Variants in NAV2 observed in about 807,000 individuals in gnomAD.
The protein encoded by NAV2 is helicase, APC down-regulated 1.
In NAV2, 54 loss-of-function variants were observed where a neutral mutation model predicts 223.2. The observed-to-expected ratio is 0.24, with a 90% CI of 0.19 to 0.30. The LOEUF (loss-of-function observed/expected upper bound fraction) is 0.30. NAV2 is among the 10% of genes least tolerant of loss of function. The probability of loss-of-function intolerance (pLI) is 1.00; values close to 1 mark genes in which losing one functional copy is unlikely to be tolerated. For synonymous variants in NAV2, 1,279 were observed against 1,239.3 expected (o/e 1.03, Z -0.67); for missense variants, 2,806 against 3,147.5 (o/e 0.89, Z 2.60).
intron 1 of NAV2, among the ~76,000 whole-genome samples, chr11:19,810,494 T>G (rs1375885443): frequency 6.6e-6 from 1 of 152,246 alleles, no homozygotes; most frequent in Non-Finnish European, 1.5e-5. Flanking sequence ...AACAAGGATA[T>G]GTACACGTAT....
At chr11:19,927,904 C>T (rs1284520871) in intron 6 of NAV2, among the ~76,000 whole-genome samples, 2 of 152,272 alleles carry the variant, frequency 1.3e-5, no homozygotes, top group African/African-American at 2.4e-5. Context: ...AAAATTGTCA[C>T]AGCTACTATT....
At chr11:19,596,323 A>G (rs2046206165) in intron 1 of NAV2, among the ~76,000 whole-genome samples, 2 of 152,178 alleles carry the variant, frequency 1.3e-5, no homozygotes, top group South Asian at 2.1e-4. Context: ...GACTTGCCCT[A>G]GTGGAATCTG....
chr11:20,106,175 A>ATGTGTGTGTGTGTG (rs1201940130), intron 35 of NAV2, among the ~76,000 whole-genome samples: 23 of 35,828 alleles, frequency 6.4e-4, no homozygotes, highest in South Asian at 4.9e-3. Flanking sequence ...ATATATATAT[A>ATGTGTGTGTGTGTG]TGTGTGTGTA....
At chr11:19,955,271 A>G (rs963598425) in intron 10 of NAV2, among the ~76,000 whole-genome samples, 8 of 152,068 alleles carry the variant, frequency 5.3e-5, no homozygotes, top group African/African-American at 1.9e-4. Context: ...TCATGGTGGC[A>G]TGTTCCTGTG....
intron 1 of NAV2, chr11:19,504,340 C>A (rs1258695744): frequency 6.6e-6 from 1 of 152,228 alleles, no homozygotes; most frequent in African/African-American, 2.4e-5. Flanking sequence ...ATGATGGTGA[C>A]ATTAAGATCT....
chr11:19,759,520 C>A (rs1476970641), intron 1 of NAV2, among the ~76,000 whole-genome samples: 2 of 152,112 alleles, frequency 1.3e-5, no homozygotes, highest in African/African-American at 4.8e-5. Flanking sequence ...AAAACAAAAA[C>A]CAAACAAATG....
intron 1 of NAV2, among the ~76,000 whole-genome samples, chr11:19,695,462 C>T (rs2049302632): frequency 6.6e-6 from 1 of 151,884 alleles, no homozygotes; most frequent in Non-Finnish European, 1.5e-5. Flanking sequence ...TGTCACATGA[C>T]CTATCCTGAC....
chr11:19,948,843 G>T lies in NAV2; in HGVS notation c.2408G>T (p.Gly803Val). The T allele has an allele frequency of 1.2e-6, 2 of 1,614,030 alleles. No individual in the cohort carries two copies. Residue 803 changes from glycine to valine, a missense_variant, in exon 10 of 38, where the codon GGG becomes GTG. Coordinates refer to ENST00000349880, the MANE Select transcript of NAV2 (RefSeq NM_145117.5). Reference protein sequence around the residue: ...QAGDAPSMGNGYPPRANASRF... With the variant: ...QAGDAPSMGNVYPPRANASRF... ...GGAGACGCCCCCTCAATGGGCAATG[G>T]GTATCCCCCTCGAGCCAACGCCAGC...
chr11:19,505,610 A>C (rs1446112702), intron 1 of NAV2: 4 of 152,228 alleles, frequency 2.6e-5, no homozygotes, highest in Non-Finnish European at 5.9e-5. Context: ...ACTGGCCAGC[A>C]AGCTGGAATG....
rs1268394235 is a variant in NAV2 at position 20,120,979 on chromosome 11, CT to C, written c.*2722del. 1 of 152,598 alleles carries C rather than the reference CT, an allele frequency of 6.6e-6. No individual in the cohort carries two copies. The highest frequency in any genetic ancestry group is 1.9e-4 in the East Asian group (1 of 5,168). The allele number at this position is 152,598 out of a possible 1,614,324, so 9.5% of individuals were successfully genotyped here. On this transcript the variant is annotated 3_prime_UTR_variant, in exon 38 of 38. Coordinates refer to ENST00000349880, the MANE Select transcript of NAV2 (RefSeq NM_145117.5). Reference sequence around the variant, plus strand: ...GAGTTACCAATGGAAGCCAAAAGTTCTCTTCCCAAACTGCCAAGAATGATAC... The same window carrying C: ...GAGTTACCAATGGAAGCCAAAAGTTCCTTCCCAAACTGCCAAGAATGATAC...
rs532916547 is a variant in NAV2, at chr11:19,889,209, C to T, written c.771-3225C>T. On this transcript the variant is annotated intron_variant, in intron 5 of 37. Coordinates refer to ENST00000349880, the MANE Select transcript of NAV2 (RefSeq NM_145117.5). Reference sequence around the variant, plus strand: ...TGGTTCCCTCCTGGGTGAGTCCGGGCTTAGCTTTTTTTCTTTCTTCCCACT... The same window carrying T: ...TGGTTCCCTCCTGGGTGAGTCCGGGTTTAGCTTTTTTTCTTTCTTCCCACT... 2.6e-5 allele frequency among the ~76,000 whole-genome samples: 4 copies of T among 152,278 alleles called. No homozygotes were observed. The South Asian group carries it at 8.3e-4, about 32-fold the overall frequency.
chr11:19,510,382 C>A (rs1314389939), intron 1 of NAV2, among the ~76,000 whole-genome samples: 1 of 152,210 alleles, frequency 6.6e-6, no homozygotes, highest in East Asian at 1.9e-4. Flanking sequence ...GTTCTCCATA[C>A]TGATTTCTTG....
intron 6 of NAV2, among the ~76,000 whole-genome samples, chr11:19,917,663 A>G (rs2043919348): frequency 6.6e-6 from 1 of 152,188 alleles, no homozygotes; most frequent in Non-Finnish European, 1.5e-5. Context: ...CCCAGGCTGG[A>G]GTGCAGTGGC....
At chr11:19,911,852 G>A (rs545541111) in intron 6 of NAV2, among the ~76,000 whole-genome samples, 10 of 152,228 alleles carry the variant, frequency 6.6e-5, no homozygotes, top group East Asian at 5.8e-4. Context: ...TCCAGTGATC[G>A]GTTTATTTGT....
At chr11:19,381,702 G>A (rs1453218662) in intron 1 of NAV2, among the ~76,000 whole-genome samples, 1 of 152,182 alleles carries the variant, frequency 6.6e-6, no homozygotes, top group Admixed American at 6.5e-5. Context: ...TCAGCACTGG[G>A]TATAAGTGGA....
At chr11:19,826,983 A>G (rs2059669634) in intron 1 of NAV2, among the ~76,000 whole-genome samples, 1 of 152,140 alleles carries the variant, frequency 6.6e-6, no homozygotes, top group Non-Finnish European at 1.5e-5. Context: ...GTGCCAGCAT[A>G]CACGTTCTCT....
intron 1 of NAV2, among the ~76,000 whole-genome samples, chr11:19,624,860 G>T (rs1314150898): frequency 1.3e-5 from 2 of 152,218 alleles, no homozygotes; most frequent in Admixed American, 1.3e-4. Flanking sequence ...GCTGGGAGCT[G>T]TAGACTGGAG....
intron 37 of NAV2, 66 bp from the exon 38 acceptor site, chr11:20,118,067 T>G: frequency 1.3e-6 from 2 of 1,594,528 alleles, no homozygotes; most frequent in East Asian, 4.5e-5. Context: ...GCATGACCTT[T>G]TAGGAGTCCA....
intron 1 of NAV2, among the ~76,000 whole-genome samples, chr11:19,755,916 T>C (rs2054196500): frequency 6.6e-6 from 1 of 152,134 alleles, no homozygotes; most frequent in African/African-American, 2.4e-5. Flanking sequence ...ACCTTACATA[T>C]AGAAATGGTC....
Sources: gnomAD v4.1 joint callset for allele counts (sites outside exome capture counted in the v4.1 genomes callset) on GRCh38, gnomAD v4.1.1 for gene constraint, MANE v1.5 for transcripts, NCBI Gene and HGNC (gene_info 2026-07-23, HGNC 2026-07-21) for gene names.